Variants in ANAPC10 observed in about 807,000 individuals in gnomAD.
ANAPC10 encodes the protein anaphase-promoting complex subunit 10.
ANAPC10 carries 12 observed loss-of-function variants against 22.0 expected under a neutral mutation model. The ratio of observed to expected loss-of-function variants is 0.55; its 90% CI spans 0.35 to 0.88. ANAPC10 has a LOEUF of 0.88. Ranked by LOEUF, ANAPC10 falls within the 40% of genes least tolerant of loss-of-function variation. The pLI is 0.01. For synonymous variants in ANAPC10, 65 were observed against 69.5 expected (o/e 0.94, Z 0.32); for missense variants, 188 against 220.9 (o/e 0.85, Z 0.94).
chr4:145,076,093 A>G (rs186863709), intron 3 of ANAPC10, among the ~76,000 whole-genome samples: 1 of 152,294 alleles, frequency 6.6e-6, no homozygotes, highest in Admixed American at 6.5e-5. Flanking sequence ...TTTTTCACCA[A>G]CAGACCCCAC....
intron 3 of ANAPC10, among the ~76,000 whole-genome samples, chr4:145,075,434 G>A (rs1247377888): frequency 1.3e-5 from 2 of 151,922 alleles, no homozygotes; most frequent in Non-Finnish European, 2.9e-5. Flanking sequence ...GGGTTGATCA[G>A]AGCCAAGATG....
intron 4 of ANAPC10, among the ~76,000 whole-genome samples, chr4:144,998,358 G>A (rs986202491): frequency 2.6e-5 from 4 of 152,002 alleles, no homozygotes; most frequent in Non-Finnish European, 5.9e-5. Context: ...AAATATAAAA[G>A]AACAGAAATT....
At chr4:145,055,680 T>TATA (rs1741963217) in intron 4 of ANAPC10, among the ~76,000 whole-genome samples, 1 of 152,222 alleles carries the variant, frequency 6.6e-6, no homozygotes, top group African/African-American at 2.4e-5. Context: ...ATTGTATGAT[T>TATA]TCACTTATAT....
chr4:145,034,601 ATATAT>A (rs549935540), intron 4 of ANAPC10, among the ~76,000 whole-genome samples: 10 of 147,962 alleles, frequency 6.8e-5, no homozygotes, highest in East Asian at 3.9e-4. Flanking sequence ...CATATCCTAT[ATATAT>A]TATAACAAGG....
chr4:145,004,259 G>C (rs1733011136), intron 4 of ANAPC10, among the ~76,000 whole-genome samples: 1 of 151,684 alleles, frequency 6.6e-6, no homozygotes, highest in Non-Finnish European at 1.5e-5. Context: ...TATGGTGTTT[G>C]TGTAGGTCTA....
intron 4 of ANAPC10, among the ~76,000 whole-genome samples, chr4:145,025,711 A>G (rs1352621500): frequency 1.3e-5 from 2 of 152,222 alleles, no homozygotes; most frequent in Non-Finnish European, 2.9e-5. Context: ...AAAATATGAC[A>G]GTGACATAAA....
At chr4:145,083,184 C>T (rs933402829) in intron 2 of ANAPC10, among the ~76,000 whole-genome samples, 1 of 152,070 alleles carries the variant, frequency 6.6e-6, no homozygotes, top group African/African-American at 2.4e-5. Context: ...ACTGATATCA[C>T]ATTAACTATG....
chr4:145,002,084 C>T (rs1732662572), intron 4 of ANAPC10, among the ~76,000 whole-genome samples: 1 of 152,164 alleles, frequency 6.6e-6, no homozygotes, highest in South Asian at 2.1e-4. Context: ...TTCTCCTTTA[C>T]TAACCATATC....
At position 145,000,318 on chromosome 4, in the gene ANAPC10, G is replaced by A. The variant is rs541984498; in HGVS notation, c.328-4715C>T. 5.9e-5 allele frequency among the ~76,000 whole-genome samples: 9 copies of A among 152,108 alleles called. 1 individual carries two copies. The highest frequency in any genetic ancestry group is 1.9e-4 in the East Asian group (1 of 5,176). ...AAGCAATATACCCATCTGACAGAGGGCTAATATCCAGAATCTAAAAAGAAC... is the reference window on the plus strand; with the variant it reads ...AAGCAATATACCCATCTGACAGAGGACTAATATCCAGAATCTAAAAAGAAC... On this transcript the variant is annotated intron_variant, in intron 4 of 4. Coordinates refer to ENST00000507656, the MANE Select transcript of ANAPC10 (RefSeq NM_001256706.2).
intron 4 of ANAPC10, among the ~76,000 whole-genome samples, chr4:145,037,544 C>T (rs1489679939): frequency 6.6e-6 from 1 of 151,972 alleles, no homozygotes; most frequent in Non-Finnish European, 1.5e-5. Context: ...GGATTACAAC[C>T]CACTGAGAAA....
intron 4 of ANAPC10, among the ~76,000 whole-genome samples, chr4:145,015,308 GCAATAGAAATGAA>G (rs1734939818): frequency 6.6e-6 from 1 of 151,828 alleles, no homozygotes; most frequent in African/African-American, 2.4e-5. Context: ...GAAAGTCTCA[GCAATAGAAATGAA>G]CAAGCAGAAG....
chr4:145,065,818 A>G (rs1743590171), intron 3 of ANAPC10, among the ~76,000 whole-genome samples: 1 of 152,066 alleles, frequency 6.6e-6, no homozygotes. Flanking sequence ...ATGTAAATCT[A>G]TATTTGTATA....
intron 4 of ANAPC10, among the ~76,000 whole-genome samples, chr4:145,045,916 G>A (rs17725139): frequency 0.28 from 41,994 of 151,960 alleles, 7,308 homozygotes; most frequent in Non-Finnish European, 0.38. Context: ...AAAACGATCT[G>A]ATCTAATAAG....
At chr4:145,071,949 T>C (rs185124524) in intron 3 of ANAPC10, among the ~76,000 whole-genome samples, 31 of 152,224 alleles carry the variant, frequency 2.0e-4, no homozygotes, top group African/African-American at 7.2e-4. Flanking sequence ...TTCTTACCTC[T>C]TCTTCGTTCC....
At chr4:145,090,049 C>A (rs1412461448) in intron 2 of ANAPC10, among the ~76,000 whole-genome samples, 1 of 152,154 alleles carries the variant, frequency 6.6e-6, no homozygotes, top group Non-Finnish European at 1.5e-5. Context: ...TCATTTACTA[C>A]ATGAAATTAA....
chr4:145,072,194 A>AG (rs930419776), intron 3 of ANAPC10, among the ~76,000 whole-genome samples: 6 of 152,208 alleles, frequency 3.9e-5, no homozygotes, highest in Admixed American at 6.5e-5. Context: ...AAATAAACAT[A>AG]AAACTGGGTA....
chr4:145,029,078 T>C (rs538415283), intron 4 of ANAPC10, among the ~76,000 whole-genome samples: 62 of 152,074 alleles, frequency 4.1e-4, no homozygotes, highest in Admixed American at 1.4e-3. Context: ...GTGAGGGCAT[T>C]GATTGGAAAA....
rs6821761 is a variant in ANAPC10 at position 145,032,882 on chromosome 4, T to G, written c.327+31690A>C. ...TGGAATAGACACTTACCAGATATGG[T>G]TTTGCCTATCCTGCATGCAATGCTT... On this transcript the variant is annotated intron_variant, in intron 4 of 4. Coordinates refer to ENST00000507656, the MANE Select transcript of ANAPC10 (RefSeq NM_001256706.2). 4.4e-3 allele frequency among the ~76,000 whole-genome samples: 667 copies of G among 152,294 alleles called. 3 individuals are homozygous for G. Among genetic ancestry groups the G allele is most frequent in the African/African-American group, 0.015 (613 of 41,566 alleles).
chr4:145,092,446 A>G (rs1747814826), intron 2 of ANAPC10, among the ~76,000 whole-genome samples: 1 of 152,192 alleles, frequency 6.6e-6, no homozygotes, highest in Non-Finnish European at 1.5e-5. Flanking sequence ...AGGAGAAAAA[A>G]AGATTACAGA....
Sources: allele counts gnomAD v4.1 joint callset (sites outside exome capture counted in the v4.1 genomes callset), GRCh38; gene constraint gnomAD v4.1.1; transcripts MANE v1.5; gene names NCBI Gene and HGNC (gene_info 2026-07-23, HGNC 2026-07-21).